The following TBCD variants were observed in gnomAD, a reference collection of about 807,000 sequenced individuals.
The protein encoded by TBCD is tubulin-specific chaperone D.
TBCD carries 105 observed loss-of-function variants against 169.3 expected under a neutral mutation model. That is an observed-to-expected ratio of 0.62 (90% CI 0.53 to 0.73). The LOEUF (loss-of-function observed/expected upper bound fraction) is 0.73. Among genes scored for constraint, TBCD ranks in the 30% least tolerant of loss-of-function variants. TBCD has a pLI of 0.00. For missense variants in TBCD, 1,444 were observed against 1,600.1 expected, an observed-to-expected ratio of 0.90 and a Z score of 1.66; for synonymous variants, 700 against 643.9, an observed-to-expected ratio of 1.09 and a Z score of -1.32.
At chr17:82,769,629 C>T (rs376153977) in intron 5 of TBCD, among the ~76,000 whole-genome samples, 1 of 152,152 alleles carries the variant, frequency 6.6e-6, no homozygotes, top group African/African-American at 2.4e-5. Context: ...GTAATCCCAG[C>T]ACTTTGGGAG....
intron 13 of TBCD, among the ~76,000 whole-genome samples, chr17:82,848,328 C>T (rs1348490574): frequency 3.3e-5 from 5 of 151,126 alleles, no homozygotes; most frequent in African/African-American, 7.3e-5. Flanking sequence ...ATTGGCGCTG[C>T]GGCTTCTGTG....
In TBCD at chr17:82,884,138, T is replaced by C. The variant is rs1422771824; in HGVS notation, c.1476-7T>C. On this transcript the variant is annotated splice_polypyrimidine_tract_variant and splice_region_variant and intron_variant, in intron 14 of 38. Coordinates refer to ENST00000355528, the MANE Select transcript of TBCD (RefSeq NM_005993.5). The surrounding 1 kb of genome is among the most constrained non-coding windows in gnomAD (Gnocchi z 4.2). ...TCTTTTTAATTAATCCTTTCTCTTTTTCACAGTGCACTGGTGATTGCTGCG... is the reference window on the plus strand; with the variant it reads ...TCTTTTTAATTAATCCTTTCTCTTTCTCACAGTGCACTGGTGATTGCTGCG... 1 of 1,605,872 alleles carries C rather than the reference T, an allele frequency of 6.2e-7. No homozygotes were observed. The highest frequency in any genetic ancestry group is 1.3e-5 in the African/African-American group (1 of 74,854).
At chr17:82,853,300 A>T (rs1255450484) in intron 13 of TBCD, among the ~76,000 whole-genome samples, 3 of 151,772 alleles carry the variant, frequency 2.0e-5, no homozygotes, top group African/African-American at 4.8e-5. Flanking sequence ...TTTGCCATGT[A>T]GCTGGTCTCA....
At chr17:82,927,863 C>T (rs374233069) in intron 29 of TBCD, 42 bp from the exon 30 acceptor site, 6 of 1,576,312 alleles carry the variant, frequency 3.8e-6, no homozygotes, top group Non-Finnish European at 5.2e-6. Context: ...GTTGGAACCC[C>T]CCTCTCAAGC....
In TBCD at chr17:82,850,021, T is replaced by TGTTGGCTGTGCTGC. The variant is rs1567886869; in HGVS notation, c.1319-20203_1319-20202insGTTGGCTGTGCTGC. Among the ~76,000 whole-genome samples the TGTTGGCTGTGCTGC allele has an allele frequency of 1.9e-3, 68 of 36,412 alleles. 1 individual carries two copies. Among genetic ancestry groups the TGTTGGCTGTGCTGC allele is most frequent in the South Asian group, 4.9e-3 (6 of 1,222 alleles). The allele number at this position is 36,412 out of a possible 152,430, so 23.9% of individuals were successfully genotyped here. A position where few individuals can be genotyped will look rare whatever the true frequency, so the allele number is the denominator to read the frequency against. On this transcript the variant is annotated intron_variant, in intron 13 of 38. Coordinates refer to ENST00000355528, the MANE Select transcript of TBCD (RefSeq NM_005993.5). ...GGCTGTGCTGCTGTTGGCTGTGCTGTTGTTGGCTGTGCTGTTGTTGGCTGT... is the reference window on the plus strand; with the variant it reads ...GGCTGTGCTGCTGTTGGCTGTGCTGTGTTGGCTGTGCTGCTGTTGGCTGTGCTGTTGTTGGCTGT...
At chr17:82,813,132 C>A (rs1403722127) in intron 12 of TBCD, among the ~76,000 whole-genome samples, 1 of 152,130 alleles carries the variant, frequency 6.6e-6, no homozygotes, top group African/African-American at 2.4e-5. Context: ...AAAATTGTCT[C>A]TTTCATTTTA....
chr17:82,849,830 T>C (rs1303372878), intron 13 of TBCD, among the ~76,000 whole-genome samples: 1 of 152,260 alleles, frequency 6.6e-6, no homozygotes, highest in Non-Finnish European at 1.5e-5. Context: ...GTGCACAATC[T>C]GGAGGCAGAA....
At chr17:82,805,551 C>T (rs369321758) in intron 9 of TBCD, among the ~76,000 whole-genome samples, 121 of 152,238 alleles carry the variant, frequency 7.9e-4, no homozygotes, top group East Asian at 4.1e-3. Context: ...TCCCGAAGGC[C>T]GGGTGCTTCC....
intron 7 of TBCD, among the ~76,000 whole-genome samples, chr17:82,794,400 C>A (rs1359303879): frequency 6.6e-6 from 1 of 152,146 alleles, no homozygotes; most frequent in Non-Finnish European, 1.5e-5. Context: ...CAAAAACAGA[C>A]CTGCAGTCAT....
intron 26 of TBCD, 71 bp from the exon 27 acceptor site, chr17:82,924,868 G>T: frequency 7.9e-7 from 1 of 1,261,744 alleles, no homozygotes; most frequent in South Asian, 1.4e-5. Flanking sequence ...CCTGTTTGGG[G>T]CACACGTCGG....
At chr17:82,935,081 T>TTG (rs2062511023) in intron 34 of TBCD, among the ~76,000 whole-genome samples, 1 of 152,114 alleles carries the variant, frequency 6.6e-6, no homozygotes, top group Non-Finnish European at 1.5e-5. Flanking sequence ...AAATTTTTTT[T>TTG]CCAAGATAGG....
chr17:82,941,560 C>A, intron 38 of TBCD, 77 bp downstream of exon 38: 1 of 1,345,560 alleles, frequency 7.4e-7, no homozygotes, highest in Non-Finnish European at 1.0e-6. Flanking sequence ...AGCGGCTGTG[C>A]TTAGCTTCTG....
chr17:82,809,110 C>G (rs570456376), intron 11 of TBCD, among the ~76,000 whole-genome samples: 9 of 152,058 alleles, frequency 5.9e-5, no homozygotes, highest in Admixed American at 2.0e-4. Context: ...TGTTGCTGTA[C>G]GCAGGGGATG....
intron 18 of TBCD, among the ~76,000 whole-genome samples, chr17:82,901,645 G>A (rs1287489644): frequency 6.6e-6 from 1 of 150,448 alleles, no homozygotes; most frequent in African/African-American, 2.5e-5. Context: ...GGAGCGGCCC[G>A]GCTACCTGCC....
At chr17:82,892,410 CTGAT>C (rs1464963759) in intron 16 of TBCD, among the ~76,000 whole-genome samples, 2 of 152,182 alleles carry the variant, frequency 1.3e-5, no homozygotes, top group African/African-American at 4.8e-5. Flanking sequence ...CATGCTGTCA[CTGAT>C]TGCAGCAGCC....
intron 13 of TBCD, among the ~76,000 whole-genome samples, chr17:82,818,402 TGCA>T (rs1316773314): frequency 6.6e-6 from 1 of 152,228 alleles, no homozygotes; most frequent in Non-Finnish European, 1.5e-5. Flanking sequence ...GATGAGCATT[TGCA>T]GCATGCTTTT....
At chr17:82,872,802 C>T (rs1385539592) in intron 14 of TBCD, among the ~76,000 whole-genome samples, 1 of 152,292 alleles carries the variant, frequency 6.6e-6, no homozygotes, top group Non-Finnish European at 1.5e-5. Context: ...CTGAAGACAC[C>T]TGTCCAGCAC....
At chr17:82,895,196 C>T (rs1705383243) in intron 17 of TBCD, among the ~76,000 whole-genome samples, 1 of 152,258 alleles carries the variant, frequency 6.6e-6, no homozygotes, top group Non-Finnish European at 1.5e-5. Flanking sequence ...CGATGCCAGG[C>T]CCTGCGTGCA....
intron 14 of TBCD, among the ~76,000 whole-genome samples, chr17:82,875,368 T>C (rs530594429): frequency 3.6e-4 from 55 of 152,232 alleles, no homozygotes; most frequent in Non-Finnish European, 6.9e-4. Context: ...TTATGTGTTA[T>C]CTGCAAAATC....
Sources: allele counts gnomAD v4.1 joint callset (sites outside exome capture counted in the v4.1 genomes callset), GRCh38; gene constraint gnomAD v4.1.1; non-coding constraint Gnocchi (gnomAD v3.1); transcripts MANE v1.5; gene names NCBI Gene and HGNC (gene_info 2026-07-23, HGNC 2026-07-21).